The following TRIM17 variants were observed in gnomAD, a reference collection of about 807,000 sequenced individuals.
TRIM17 encodes E3 ubiquitin-protein ligase TRIM17.
In TRIM17, 27 loss-of-function variants were observed where a neutral mutation model predicts 35.8. The observed-to-expected ratio is 0.75, with a 90% CI of 0.56 to 1.04. The LOEUF is 1.04. TRIM17 is among the 50% of genes least tolerant of loss of function. The pLI, the probability that TRIM17 is intolerant of heterozygous loss-of-function variation, is 0.00. For synonymous variants in TRIM17, 246 were observed against 252.6 expected (o/e 0.97, Z 0.25); for missense variants, 582 against 612.8 (o/e 0.95, Z 0.53).
In TRIM17 at chr1:228,411,244, C is replaced by T. The variant is rs1401938495; in HGVS notation, c.526-68G>A. 3.7e-6 allele frequency: 5 copies of T among 1,343,942 alleles called. No homozygotes were observed. The East Asian group carries it at 9.4e-5, about 25-fold the overall frequency. 83.3% of individuals were successfully genotyped at this position (1,343,942 alleles called of 1,614,324 possible). ...CAGCTCCAGGGATGCTGGCACCTCT[C>T]CCCAGGGCCCTGGTGACCCACAAGA... On this transcript the variant is annotated intron_variant, in intron 3 of 6. Coordinates refer to ENST00000366698, the MANE Select transcript of TRIM17 (RefSeq NM_016102.4). The surrounding 1 kb of genome is among the most constrained non-coding windows in gnomAD (Gnocchi z 4.2).
rs753249131 is a variant in TRIM17, at chr1:228,410,951, G to T, written c.751C>A (p.Leu251Met). 5 of 1,557,518 alleles carry T rather than the reference G, an allele frequency of 3.2e-6. No individual in the cohort carries two copies. In the African/African-American group the frequency reaches 4.1e-5, roughly 13 times the overall value. Residue 251 changes from leucine (L) to methionine (M), a missense_variant, in exon 4 of 7, where the codon CTG (leucine) becomes ATG (methionine). Transcript: ENST00000366698. The surrounding 1 kb of genome is among the most constrained non-coding windows in gnomAD (Gnocchi z 4.6). ...ERSTQGPLQM[L>M]QDMKEPLSRK... ...TGCCAAGCCTACTGGCTCACCTGCA[G>T]CATCTGGAGGGGCCCCTGTGTGCTC...
intron 3 of TRIM17, among the ~76,000 whole-genome samples, chr1:228,413,028 T>C (rs1397725520): frequency 6.6e-6 from 1 of 151,976 alleles, no homozygotes; most frequent in East Asian, 1.9e-4. Flanking sequence ...CTGACCAACA[T>C]GGTGAAACCC....
chr1:228,409,946 C>T (rs946737161), intron 4 of TRIM17, among the ~76,000 whole-genome samples: 1 of 152,136 alleles, frequency 6.6e-6, no homozygotes, highest in Admixed American at 6.5e-5. Flanking sequence ...GTTGCCAGAG[C>T]GTGACCCTAA....
rs113940247 is a variant in TRIM17 at position 228,408,249 on chromosome 1, C to T, written c.1386G>A (p.Lys462=). Residue 462 remains lysine (K), a synonymous_variant, in exon 7 of 7, where the codon AAG becomes AAA. Transcript: ENST00000366698. This position sits in a 1 kb window ranked among gnomAD's most constrained non-coding sequence, Gnocchi z 6.3. ...LQPFFCLGAP[K]SGQMVISTVT... is the part of the protein sequence containing the mutation. ...CTGTGGAGATGACCATCTGACCAGA[C>T]TTCGGAGCCCCCAGGCAGAAGAAAG... 1,577 of 1,567,552 alleles carry T rather than the reference C, an allele frequency of 1.0e-3. 29 individuals are homozygous for T. The African/African-American group carries it at 0.016, about 16-fold the overall frequency.
chr1:228,410,916 C>T lies in TRIM17; in HGVS notation c.756+30G>A. 1.4e-6 allele frequency: 2 copies of T among 1,453,956 alleles called. No individual in the cohort carries two copies. The highest frequency in any genetic ancestry group is 9.1e-7 in the Non-Finnish European group (1 of 1,093,304). The allele number at this position is 1,453,956 out of a possible 1,614,324, so 90.1% of individuals were successfully genotyped here. A position where few individuals can be genotyped will look rare whatever the true frequency, so the allele number is the denominator to read the frequency against. On this transcript the variant is annotated intron_variant, in intron 4 of 6. Transcript: ENST00000366698. This position sits in a 1 kb window ranked among gnomAD's most constrained non-coding sequence, Gnocchi z 4.6. ...GCCCATGCCTGTCAGAGCTCACATC[C>T]CACCCTGCCTGCCAAGCCTACTGGC...
rs771037324 is a variant in TRIM17 at position 228,411,119 on chromosome 1, A to G, written c.583T>C (p.Tyr195His). ...AGCCTCTGCTCTTCTTCCACCAGGT[A>G]GAGGTTCATCTTCTCAAACTCCAGC... is the stretch of plus-strand genomic sequence containing the variant. ...IVLEFEKMNLYLVEEEQRLLQ... is the reference protein window; with the variant it reads ...IVLEFEKMNLHLVEEEQRLLQ... Residue 195 changes from tyrosine (Y) to histidine (H), a missense_variant, in exon 4 of 7, where the codon TAC becomes CAC. Coordinates refer to ENST00000366698, the MANE Select transcript of TRIM17 (RefSeq NM_016102.4). This position sits in a 1 kb window ranked among gnomAD's most constrained non-coding sequence, Gnocchi z 4.2. The G allele has an allele frequency of 5.0e-6, 8 of 1,613,956 alleles. No homozygotes were observed. The South Asian group carries it at 8.8e-5, about 18-fold the overall frequency.
chr1:228,414,813 G>C lies in TRIM17; in HGVS notation c.260C>G (p.Ala87Gly). ...NRLLTKVAEM[A>G]QQHPGLQKQD... ...CTTCTGCAGACCAGGATGCTGCTGC[G>C]CCATCTCGGCCACCTTGGTCAGCAG... Residue 87 changes from alanine (A) to glycine (G), a missense_variant, in exon 2 of 7, where the codon GCG becomes GGG. Ala to Gly is a moderately conservative substitution (Grantham distance 60). Transcript: ENST00000366698. 1.2e-6 allele frequency: 2 copies of C among 1,613,406 alleles called. No homozygotes were observed. Among genetic ancestry groups the C allele is most frequent in the Non-Finnish European group, 1.7e-6 (2 of 1,180,032 alleles).
rs930585409 is a variant in TRIM17 at position 228,411,598 on chromosome 1, C to T, written c.526-422G>A. On this transcript the variant is annotated intron_variant, in intron 3 of 6. Coordinates refer to ENST00000366698, the MANE Select transcript of TRIM17 (RefSeq NM_016102.4). The surrounding 1 kb of genome is among the most constrained non-coding windows in gnomAD (Gnocchi z 4.2). ...GCTCAAGTCATCTGAGTAGCTGGGA[C>T]CACAGGCATGCACCACCACATCCAG... Among the ~76,000 whole-genome samples, 2 of 151,882 alleles carry T rather than the reference C, an allele frequency of 1.3e-5. No homozygotes were observed. Among genetic ancestry groups the T allele is most frequent in the Admixed American group, 6.6e-5 (1 of 15,252 alleles).
In TRIM17 at chr1:228,414,877, T is replaced by A. The variant is rs914986026; in HGVS notation, c.196A>T (p.Arg66Ter). The change falls in exon 2 of 7, where the codon AGA becomes TGA. Residue 66 changes from arginine (R) to a stop codon, truncating the protein, a stop_gained. Transcript: ENST00000366698. LOFTEE classifies it high-confidence loss of function. ...AGGTTCCTCTGCGGGGACATCTCTCTGCACTCGGGGCAGGGGAAGGAGCCC... is the reference window on the plus strand; with the variant it reads ...AGGTTCCTCTGCGGGGACATCTCTCAGCACTCGGGGCAGGGGAAGGAGCCC... ...RKGSFPCPEC[R>*]EMSPQRNLLP... is the part of the protein sequence containing the mutation. 1.2e-6 allele frequency: 2 copies of A among 1,613,606 alleles called. No homozygotes were observed.
At chr1:228,416,433 G>T (rs1657130676) in intron 1 of TRIM17, 106 bp downstream of exon 1, 5 of 986,796 alleles carry the variant, frequency 5.1e-6, no homozygotes, top group Non-Finnish European at 6.0e-6. Flanking sequence ...GGCCGGCGGA[G>T]GCGGGAAGGC....
Position 228,408,242 on chromosome 1 carries a change from G to T in TRIM17, c.1393C>A (p.Gln465Lys). The change falls in exon 7 of 7, where the codon CAG becomes AAG. Residue 465 changes from glutamine (Q) to lysine (K), a missense_variant. Physicochemically the swap from Gln to Lys is moderately conservative, Grantham distance 53 (BLOSUM62 1). Transcript: ENST00000366698. This position sits in a 1 kb window ranked among gnomAD's most constrained non-coding sequence, Gnocchi z 6.3. The stretch of plus-strand genomic sequence containing the variant: ...ATGGTCACTGTGGAGATGACCATCT[G>T]ACCAGACTTCGGAGCCCCCAGGCAG... The part of the protein sequence containing the change: ...FFCLGAPKSG[Q>K]MVISTVTMWV... The T allele has an allele frequency of 2.6e-6, 4 of 1,562,252 alleles. No homozygotes were observed. The South Asian group carries it at 4.9e-5, about 19-fold the overall frequency.
In TRIM17 at chr1:228,411,517, C is replaced by G. The variant is rs985908539; in HGVS notation, c.526-341G>C. Among the ~76,000 whole-genome samples the G allele has an allele frequency of 6.6e-6, 1 of 152,142 alleles. No homozygotes were observed. Among genetic ancestry groups the G allele is most frequent in the Admixed American group, 6.5e-5 (1 of 15,272 alleles). On this transcript the variant is annotated intron_variant, in intron 3 of 6. Transcript: ENST00000366698. The surrounding 1 kb of genome is among the most constrained non-coding windows in gnomAD (Gnocchi z 4.2). ...TTTTGTTTTGTTTGAGACAGGGTCT[C>G]GCTCAGTTGCCCAGGCTGGAATGCA...
intron 1 of TRIM17, 133 bp downstream of exon 1, chr1:228,416,406 C>T: frequency 1.0e-6 from 1 of 986,696 alleles, no homozygotes; most frequent in Non-Finnish European, 1.2e-6. Flanking sequence ...GCGCGCTAGC[C>T]CCTCCAGGGA....
chr1:228,409,004 A>C, intron 6 of TRIM17, 168 bp downstream of exon 6: 1 of 1,562,664 alleles, frequency 6.4e-7, no homozygotes, highest in Non-Finnish European at 8.7e-7. Context: ...CATGAATTAG[A>C]ACCACCAGTA....
Position 228,408,978 on chromosome 1 carries a change from T to C in TRIM17, c.883+194A>G. ...GCTGGGCAGAGAGACCACTGGGAAC[T>C]CAACAAGATTCATCCCATGAATTAG... is the stretch of plus-strand genomic sequence containing the variant. On this transcript the variant is annotated intron_variant, in intron 6 of 6. Transcript: ENST00000366698. This position sits in a 1 kb window ranked among gnomAD's most constrained non-coding sequence, Gnocchi z 6.3. 1 of 1,524,964 alleles carries C rather than the reference T, an allele frequency of 6.6e-7. No individual in the cohort carries two copies. 94.5% of individuals were successfully genotyped at this position (1,524,964 alleles called of 1,614,324 possible). A position where few individuals can be genotyped will look rare whatever the true frequency, so the allele number is the denominator to read the frequency against.
intron 1 of TRIM17, chr1:228,415,956 C>CGCACAGGCACACAA (rs1657100394): frequency 1.3e-5 from 2 of 152,318 alleles, no homozygotes; most frequent in African/African-American, 4.8e-5. Flanking sequence ...CGCGCACACA[C>CGCACAGGCACACAA]GCACAGGCAC....
Position 228,409,428 on chromosome 1 carries a change from C to A in TRIM17, c.757-17G>T. The A allele has an allele frequency of 6.6e-7, 1 of 1,508,932 alleles. No individual in the cohort carries two copies. 93.5% of individuals were successfully genotyped at this position (1,508,932 alleles called of 1,614,324 possible). ...CTTCATGTCCTGCAAAAGACAGGGA[C>A]GGAGGGTGGGGAGTGAGCCAAGCTC... On this transcript the variant is annotated splice_polypyrimidine_tract_variant and intron_variant, in intron 4 of 6. Coordinates refer to ENST00000366698, the MANE Select transcript of TRIM17 (RefSeq NM_016102.4).
Position 228,409,377 on chromosome 1 carries a change from G to A in TRIM17, c.779+12C>T. 6.3e-7 allele frequency: 1 copy of A among 1,582,758 alleles called. No individual in the cohort carries two copies. The highest frequency in any genetic ancestry group is 8.6e-7 in the Non-Finnish European group (1 of 1,165,258). ...GCCACTGCCCCCGCCCCTGCCTGAG[G>A]GGACCACATACCTGCTCAGGGGTTC... On this transcript the variant is annotated intron_variant, in intron 5 of 6. Transcript: ENST00000366698.
rs764426830 is a variant in TRIM17 at position 228,411,161 on chromosome 1, G to T, written c.541C>A (p.Arg181=). The change falls in exon 4 of 7, where the codon CGG becomes AGG. Residue 181 remains arginine, a synonymous_variant. Coordinates refer to ENST00000366698, the MANE Select transcript of TRIM17 (RefSeq NM_016102.4). The surrounding 1 kb of genome is among the most constrained non-coding windows in gnomAD (Gnocchi z 4.2). ...AACTCCAGCACAATGCGTTCTCTCC[G>T]CTCCTTCACCTTGCCCTGCAGGAGT... ...LAEWQGKVKE[R]RERIVLEFEK... is the part of the protein sequence containing the mutation. 3 of 1,610,212 alleles carry T rather than the reference G, an allele frequency of 1.9e-6. No individual in the cohort carries two copies. Among genetic ancestry groups the T allele is most frequent in the South Asian group, 1.1e-5 (1 of 90,326 alleles).
Sources: allele counts gnomAD v4.1 joint callset (sites outside exome capture counted in the v4.1 genomes callset), GRCh38; gene constraint gnomAD v4.1.1; non-coding constraint Gnocchi (gnomAD v3.1); transcripts MANE v1.5; gene names NCBI Gene and HGNC (gene_info 2026-07-23, HGNC 2026-07-21).